Variants in FAM171A1 observed in about 807,000 individuals in gnomAD.
The protein encoded by FAM171A1 is family with sequence similarity 171 member A1.
Under a neutral mutation model 74.9 loss-of-function variants are expected in FAM171A1, and 23 were observed. The observed-to-expected ratio is 0.31, with a 90% CI of 0.22 to 0.44. FAM171A1 has a LOEUF of 0.44. Among genes scored for constraint, FAM171A1 ranks in the 20% least tolerant of loss-of-function variants. The pLI is 1.00. For missense variants in FAM171A1, 1,162 were observed against 1,159.2 expected, an observed-to-expected ratio of 1.00 and a Z score of -0.03; for synonymous variants, 527 against 505.7, an observed-to-expected ratio of 1.04 and a Z score of -0.57.
chr10:15,329,733 A>G (rs915780957), intron 1 of FAM171A1, among the ~76,000 whole-genome samples: 25 of 152,108 alleles, frequency 1.6e-4, no homozygotes, highest in Admixed American at 1.1e-3. Context: ...AAGCTACGGG[A>G]AGTCATTTTC....
intron 4 of FAM171A1, among the ~76,000 whole-genome samples, chr10:15,250,502 C>A (rs1015014445): frequency 1.6e-4 from 25 of 152,342 alleles, no homozygotes; most frequent in African/African-American, 6.0e-4. Context: ...TGGCGCATGC[C>A]TGTAATACTG....
intron 4 of FAM171A1, among the ~76,000 whole-genome samples, chr10:15,252,246 CACTT>C (rs1834518981): frequency 6.6e-6 from 1 of 152,152 alleles, no homozygotes; most frequent in African/African-American, 2.4e-5. Flanking sequence ...GATGCTTCTC[CACTT>C]ACTTACAACT....
At chr10:15,258,068 C>T (rs1834603936) in intron 3 of FAM171A1, among the ~76,000 whole-genome samples, 2 of 151,932 alleles carry the variant, frequency 1.3e-5, no homozygotes, top group South Asian at 4.2e-4. Flanking sequence ...TTTTCTTTTT[C>T]TTTTTTTTCT....
At chr10:15,219,104 G>T (rs1288355879) in intron 6 of FAM171A1, among the ~76,000 whole-genome samples, 2 of 152,102 alleles carry the variant, frequency 1.3e-5, no homozygotes, top group African/African-American at 4.8e-5. Context: ...CTAACATGGT[G>T]AAACCCTGTC....
chr10:15,214,805 C>T (rs1174793185), intron 7 of FAM171A1, among the ~76,000 whole-genome samples: 2 of 150,548 alleles, frequency 1.3e-5, no homozygotes, highest in African/African-American at 2.4e-5. Context: ...CTGTCGCCCA[C>T]GTTGGAGTGC....
intron 3 of FAM171A1, among the ~76,000 whole-genome samples, chr10:15,261,687 A>T (rs144242000): frequency 1.7e-3 from 260 of 152,336 alleles, no homozygotes; most frequent in African/African-American, 5.9e-3. Context: ...TGAGAGGCAG[A>T]GGAGAAGTAA....
intron 5 of FAM171A1, among the ~76,000 whole-genome samples, chr10:15,236,577 C>A (rs1834293737): frequency 6.6e-6 from 1 of 152,070 alleles, no homozygotes; most frequent in Admixed American, 6.5e-5. Context: ...GGGCTGCACA[C>A]TGCCTCTATC....
At chr10:15,231,835 A>G (rs1486322499) in intron 5 of FAM171A1, among the ~76,000 whole-genome samples, 1 of 152,190 alleles carries the variant, frequency 6.6e-6, no homozygotes, top group Non-Finnish European at 1.5e-5. Context: ...CAGCAATCTC[A>G]GCACTTTGGG....
chr10:15,215,531 A>T (rs1368281482), intron 7 of FAM171A1, among the ~76,000 whole-genome samples: 1 of 152,098 alleles, frequency 6.6e-6, no homozygotes, highest in Non-Finnish European at 1.5e-5. Context: ...ATGCCCAGCT[A>T]ATTTTTGTAT....
intron 1 of FAM171A1, among the ~76,000 whole-genome samples, chr10:15,345,546 G>A (rs575104623): frequency 1.4e-4 from 21 of 152,248 alleles, no homozygotes; most frequent in Non-Finnish European, 2.2e-4. Flanking sequence ...GAGGATATAT[G>A]TCATCAGTGA....
In FAM171A1 at chr10:15,295,581, C is replaced by A. The variant is rs553853939; in HGVS notation, c.98-11476G>T. Among the ~76,000 whole-genome samples the A allele has an allele frequency of 3.6e-4, 55 of 152,200 alleles. 1 individual carries two copies. The highest frequency in any genetic ancestry group is 1.3e-3 in the African/African-American group (55 of 41,526). ...GCTTCCTCTTAACCGCTTTTCATTC[C>A]CTTTTCTATTTCCTCAAATTGGCCT... On this transcript the variant is annotated intron_variant, in intron 1 of 7. Coordinates refer to ENST00000378116, the MANE Select transcript of FAM171A1 (RefSeq NM_001010924.2).
At chr10:15,364,777 G>A (rs1195793134) in intron 1 of FAM171A1, among the ~76,000 whole-genome samples, 1 of 152,118 alleles carries the variant, frequency 6.6e-6, no homozygotes, top group Admixed American at 6.6e-5. Flanking sequence ...GCATTCCTTG[G>A]CTCCTGGCCC....
At chr10:15,285,120 G>T (rs980904119) in intron 1 of FAM171A1, among the ~76,000 whole-genome samples, 3 of 152,202 alleles carry the variant, frequency 2.0e-5, no homozygotes, top group Non-Finnish European at 2.9e-5. Context: ...GCCTAGAATT[G>T]TAACTACACA....
intron 6 of FAM171A1, among the ~76,000 whole-genome samples, chr10:15,218,072 A>C (rs55801436): frequency 2.6e-5 from 4 of 151,858 alleles, no homozygotes; most frequent in Non-Finnish European, 4.4e-5. Context: ...TACTCAAAGC[A>C]TTATTGTTTT....
rs116232603 is a variant in FAM171A1, at chr10:15,347,515, C to T, written c.97+23441G>A. On this transcript the variant is annotated intron_variant, in intron 1 of 7. Coordinates refer to ENST00000378116, the MANE Select transcript of FAM171A1 (RefSeq NM_001010924.2). ...AATACAATATTTTTATTGTTATGAACGGAGTCACCAAGTATTTACCTAGAA... is the reference window on the plus strand; with the variant it reads ...AATACAATATTTTTATTGTTATGAATGGAGTCACCAAGTATTTACCTAGAA... Among the ~76,000 whole-genome samples, 1,313 of 152,120 alleles carry T rather than the reference C, an allele frequency of 8.6e-3. 23 individuals are homozygous for T. The highest frequency in any genetic ancestry group is 0.03 in the African/African-American group (1,237 of 41,478).
intron 7 of FAM171A1, among the ~76,000 whole-genome samples, chr10:15,215,751 T>C (rs9423931): frequency 0.41 from 61,661 of 152,044 alleles, 13,002 homozygotes; most frequent in African/African-American, 0.51. Context: ...AGATGACTAT[T>C]GTTAAACTCT....
rs1588495875 is a variant in FAM171A1 at position 15,222,980 on chromosome 10, C to G, written c.755-1920G>C. 2.0e-5 allele frequency among the ~76,000 whole-genome samples: 3 copies of G among 152,174 alleles called. No individual in the cohort carries two copies. The East Asian group carries it at 5.8e-4, about 29-fold the overall frequency. On this transcript the variant is annotated intron_variant, in intron 5 of 7. Transcript: ENST00000378116. ...GGTCCATTTCCTGAAGCGCACCCTC[C>G]TAGAAATCACCCTGTTCTACAGGAC...
intron 1 of FAM171A1, among the ~76,000 whole-genome samples, chr10:15,286,875 G>A (rs947351033): frequency 6.6e-6 from 1 of 152,156 alleles, no homozygotes; most frequent in Admixed American, 6.6e-5. Context: ...AGCTATGGGT[G>A]TGTACCAAAT....
In FAM171A1 at chr10:15,370,945, C is replaced by G; in HGVS notation, c.97+11G>C. 8.7e-7 allele frequency: 1 copy of G among 1,147,020 alleles called. No homozygotes were observed. Among genetic ancestry groups the G allele is most frequent in the Non-Finnish European group, 1.1e-6 (1 of 914,552 alleles). 71.1% of individuals were successfully genotyped at this position (1,147,020 alleles called of 1,614,324 possible). A position where few individuals can be genotyped will look rare whatever the true frequency, so the allele number is the denominator to read the frequency against. On this transcript the variant is annotated intron_variant, in intron 1 of 7. Coordinates refer to ENST00000378116, the MANE Select transcript of FAM171A1 (RefSeq NM_001010924.2). ...GACACAAAGCCCCCGGCCCCGCCGC[C>G]GCCCACTGACCTTGGGCTCCGGCGC...
Sources: allele counts gnomAD v4.1 joint callset (sites outside exome capture counted in the v4.1 genomes callset), GRCh38; gene constraint gnomAD v4.1.1; transcripts MANE v1.5; gene names NCBI Gene and HGNC (gene_info 2026-07-23, HGNC 2026-07-21).